CLIC2: variants seen among roughly 807,000 people sequenced by gnomAD.
CLIC2 encodes CLIC family member 2.
CLIC2 carries 9 observed loss-of-function variants against 14.8 expected under a neutral mutation model. That is an observed-to-expected ratio of 0.61 (90% confidence interval 0.37 to 1.06). The LOEUF is 1.06. CLIC2 is among the 50% of genes least tolerant of loss of function. The probability of loss-of-function intolerance (pLI) is 0.01; values close to 1 mark genes in which losing one functional copy is unlikely to be tolerated. For missense variants in CLIC2, 148 were observed against 181.4 expected, an observed-to-expected ratio of 0.82 and a Z score of 1.06; for synonymous variants, 61 against 66.3, an observed-to-expected ratio of 0.92 and a Z score of 0.39.
chrX:155,288,970 C>A (rs1172377935), intron 3 of CLIC2, among the ~76,000 whole-genome samples: 1 of 110,308 alleles, frequency 9.1e-6, no homozygotes, highest in Non-Finnish European at 1.9e-5. Flanking sequence ...CATGGAGAAA[C>A]CCCGTCTCTA....
intron 1 of CLIC2, among the ~76,000 whole-genome samples, chrX:155,300,415 G>C (rs1475369421): frequency 9.0e-6 from 1 of 111,221 alleles, no homozygotes; most frequent in Admixed American, 9.5e-5. Flanking sequence ...CCCACTTTTT[G>C]ATGGGGTTGT....
intron 3 of CLIC2, chrX:155,293,488 A>G: frequency 3.9e-6 from 2 of 518,071 alleles, no homozygotes; most frequent in Non-Finnish European, 6.9e-6. Context: ...AACTGTAATG[A>G]TAAATGACAA....
At chrX:155,321,175 C>A (rs1209412892) in intron 1 of CLIC2, among the ~76,000 whole-genome samples, 6 of 111,793 alleles carry the variant, frequency 5.4e-5, no homozygotes, top group African/African-American at 2.0e-4. Flanking sequence ...CCCAACCTAG[C>A]AAGGCAGGCC....
intron 1 of CLIC2, among the ~76,000 whole-genome samples, chrX:155,331,651 A>C (rs951677463): frequency 9.0e-6 from 1 of 111,261 alleles, no homozygotes; most frequent in Non-Finnish European, 1.9e-5. Flanking sequence ...GAGGAAACTG[A>C]GGCTCAGAGA....
intron 1 of CLIC2, among the ~76,000 whole-genome samples, chrX:155,326,357 T>G (rs1180279582): frequency 8.9e-6 from 1 of 111,793 alleles, no homozygotes; most frequent in Non-Finnish European, 1.9e-5. Context: ...ATGTTCAATT[T>G]TATTAGCCTT....
In CLIC2 at chrX:155,287,839, A is replaced by G. The variant is rs7890689; in HGVS notation, c.294-7771T>C. ...ACTGAATCTTTAGATTGCTTTGGGC[A>G]GTATGGTCATTTTGTTGATATTGAT... On this transcript the variant is annotated intron_variant, in intron 3 of 5. Transcript: ENST00000369449. Among the ~76,000 whole-genome samples the G allele has an allele frequency of 7.2e-3, 804 of 112,204 alleles. 6 individuals carry two copies. The highest frequency in any genetic ancestry group is 0.025 in the African/African-American group (761 of 30,848).
At chrX:155,282,291 C>T (rs992183367) in intron 3 of CLIC2, among the ~76,000 whole-genome samples, 7 of 111,669 alleles carry the variant, frequency 6.3e-5, no homozygotes, top group Non-Finnish European at 9.4e-5. Flanking sequence ...CTTTCCCTAA[C>T]ATCACTACTT....
chrX:155,279,486 C>A (rs1557316185), intron 4 of CLIC2, among the ~76,000 whole-genome samples, 156 bp from the exon 5 acceptor site: 1 of 112,244 alleles, frequency 8.9e-6, no homozygotes, highest in South Asian at 3.7e-4. Context: ...TGCTCAGCTA[C>A]TCACTGATAA....
At chrX:155,325,761 GATATATATATATATATAT>G (rs60334475) in intron 1 of CLIC2, among the ~76,000 whole-genome samples, 588 of 32,866 alleles carry the variant, frequency 0.018, 25 homozygotes, top group African/African-American at 0.056. Flanking sequence ...AAGAAAATGT[GATATATATATATATATAT>G]ATATATATAT....
chrX:155,292,366 C>A, intron 3 of CLIC2: 2 of 559,626 alleles, frequency 3.6e-6, no homozygotes, highest in East Asian at 6.5e-5. Flanking sequence ...GAATATCCAG[C>A]CAAACATGCT....
chrX:155,298,394 G>A (rs1557318583), intron 3 of CLIC2, among the ~76,000 whole-genome samples: 2 of 111,546 alleles, frequency 1.8e-5, no homozygotes, highest in Non-Finnish European at 3.8e-5. Context: ...TGAAGTCTAT[G>A]TCCTGGCCAC....
At chrX:155,323,418 C>T (rs2075124697) in intron 1 of CLIC2, among the ~76,000 whole-genome samples, 1 of 111,894 alleles carries the variant, frequency 8.9e-6, no homozygotes, top group Admixed American at 9.5e-5. Context: ...TAAAGAGAAC[C>T]AATGACAAAA....
chrX:155,288,752 TA>T (rs1557317320), intron 3 of CLIC2, among the ~76,000 whole-genome samples: 1 of 112,158 alleles, frequency 8.9e-6, no homozygotes, highest in African/African-American at 3.2e-5. Flanking sequence ...AAATTCTATA[TA>T]AAAAATCTGT....
Position 155,279,983 on chromosome X carries a change from T to C in CLIC2, c.379A>G (p.Thr127Ala). 1 of 1,199,776 alleles carries C rather than the reference T, an allele frequency of 8.3e-7. No homozygotes were observed. The change falls in exon 4 of 6, where the codon ACA (threonine) becomes GCA (alanine). Residue 127 changes from threonine (T) to alanine (A), a missense_variant. Thr to Ala is a moderately conservative substitution (Grantham distance 58). Transcript: ENST00000369449. ...TTACTCTTATTTGCCTCCTTTTGTG[T>C]ATTCTTAATGTATGCAGAAAACTTG... ...FAKFSAYIKN[T>A]QKEANKNFEK...
chrX:155,314,514 C>G (rs1212020067), intron 1 of CLIC2, among the ~76,000 whole-genome samples: 2 of 111,698 alleles, frequency 1.8e-5, no homozygotes, highest in Admixed American at 1.9e-4. Flanking sequence ...TCAGGAAGCC[C>G]GAATTCTAGA....
At chrX:155,284,758 C>A (rs1406846269) in intron 3 of CLIC2, among the ~76,000 whole-genome samples, 1 of 111,675 alleles carries the variant, frequency 9.0e-6, no homozygotes, top group Non-Finnish European at 1.9e-5. Context: ...CCAGATAGGT[C>A]AAACTACACA....
intron 3 of CLIC2, among the ~76,000 whole-genome samples, chrX:155,286,288 T>C (rs926157018): frequency 8.9e-6 from 1 of 112,307 alleles, no homozygotes; most frequent in Non-Finnish European, 1.9e-5. Context: ...GCTCCATCCA[T>C]GTTCCTGCAA....
In CLIC2 at chrX:155,315,637, A is replaced by T. The variant is rs896086956; in HGVS notation, c.58-16492T>A. 7.3e-4 allele frequency among the ~76,000 whole-genome samples: 81 copies of T among 111,698 alleles called. 1 individual carries two copies. The highest frequency in any genetic ancestry group is 2.3e-4 in the Non-Finnish European group (12 of 53,098). On this transcript the variant is annotated intron_variant, in intron 1 of 5. Transcript: ENST00000369449. ...CTAAATTTTGAAACAAATCCTTGAA[A>T]TACACCAAAATGGAACCTACTTAAA...
chrX:155,307,090 A>G (rs995001145), intron 1 of CLIC2, among the ~76,000 whole-genome samples: 1 of 111,680 alleles, frequency 9.0e-6, no homozygotes, highest in Admixed American at 9.6e-5. Context: ...CATATACCAG[A>G]CATATACATA....
Sources: gnomAD v4.1 joint callset for allele counts (sites outside exome capture counted in the v4.1 genomes callset) on GRCh38, gnomAD v4.1.1 for gene constraint, MANE v1.5 for transcripts, NCBI Gene and HGNC (gene_info 2026-07-23, HGNC 2026-07-21) for gene names.